DPP10: variants seen among roughly 807,000 people sequenced by gnomAD.
DPP10 encodes the protein dipeptidyl peptidase like 10, also known as inactive dipeptidyl peptidase 10.
In DPP10, 33 loss-of-function variants were observed where a neutral mutation model predicts 120.9. The ratio of observed to expected loss-of-function variants is 0.27; its 90% CI spans 0.21 to 0.37. The LOEUF is 0.37. Among genes scored for constraint, DPP10 ranks in the 10% least tolerant of loss-of-function variants. The pLI is 1.00. For missense variants in DPP10, 816 were observed against 942.8 expected (o/e 0.87, Z 1.76); for synonymous variants, 337 against 326.1 (o/e 1.03, Z -0.36).
At chr2:114,777,100 TAA>T (rs1263557220) in intron 1 of DPP10, among the ~76,000 whole-genome samples, 1 of 152,186 alleles carries the variant, frequency 6.6e-6, no homozygotes, top group East Asian at 1.9e-4. Context: ...TTACATATGT[TAA>T]GACTTTTATT....
chr2:114,893,339 G>A (rs759459951), intron 1 of DPP10, among the ~76,000 whole-genome samples: 32 of 152,216 alleles, frequency 2.1e-4, no homozygotes, highest in Non-Finnish European at 3.1e-4. Context: ...TACCAGAGAC[G>A]CAGATTAAAT....
intron 19 of DPP10, among the ~76,000 whole-genome samples, chr2:115,807,514 T>A (rs963223811): frequency 6.6e-6 from 1 of 152,204 alleles, no homozygotes; most frequent in Non-Finnish European, 1.5e-5. Flanking sequence ...ACTCTGTTTT[T>A]TCTTCATTAC....
intron 7 of DPP10, among the ~76,000 whole-genome samples, chr2:115,723,622 G>GTTTTTTTTTTTTTTTTTTTTTTT (rs11399436): frequency 7.0e-6 from 1 of 142,950 alleles, no homozygotes; most frequent in Non-Finnish European, 1.5e-5. Flanking sequence ...GTTGTTTTTT[G>GTTTTTTTTTTTTTTTTTTTTTTT]TTTTTTTTTT....
chr2:115,546,417 AG>A lies in DPP10; in HGVS notation c.441+20446del, dbSNP rs1257796611. 5.9e-4 allele frequency among the ~76,000 whole-genome samples: 90 copies of A among 152,312 alleles called. 2 individuals are homozygous for A. The East Asian group carries it at 0.016, about 27-fold the overall frequency. ...TCAATCTGGAGAAATCAAAACCTATAGCTAATCAATGGGTTCCTTTACAATG... is the reference window on the plus strand; with the variant it reads ...TCAATCTGGAGAAATCAAAACCTATACTAATCAATGGGTTCCTTTACAATG... On this transcript the variant is annotated intron_variant, in intron 5 of 25. Coordinates refer to ENST00000410059, the MANE Select transcript of DPP10 (RefSeq NM_020868.6).
At chr2:114,720,192 C>G (rs149600821) in intron 1 of DPP10, among the ~76,000 whole-genome samples, 1 of 152,218 alleles carries the variant, frequency 6.6e-6, no homozygotes, top group Admixed American at 6.5e-5. Context: ...AGAGAACTTG[C>G]GAAAATTCTG....
chr2:114,978,331 A>G (rs1267078737), intron 1 of DPP10, among the ~76,000 whole-genome samples: 5 of 152,326 alleles, frequency 3.3e-5, no homozygotes, highest in Admixed American at 2.0e-4. Context: ...AGTAGGTCTC[A>G]TTCAGTAGGT....
At chr2:115,503,883 C>T (rs527689317) in intron 4 of DPP10, among the ~76,000 whole-genome samples, 2 of 152,154 alleles carry the variant, frequency 1.3e-5, no homozygotes, top group East Asian at 3.9e-4. Context: ...CAGAAATGTG[C>T]ATCCTACACT....
chr2:115,397,457 A>C (rs967183752), intron 3 of DPP10, among the ~76,000 whole-genome samples: 4 of 152,200 alleles, frequency 2.6e-5, no homozygotes, highest in Admixed American at 6.6e-5. Flanking sequence ...TGCCATAGTC[A>C]TATTATTATA....
chr2:115,697,668 T>C (rs1331713641), intron 7 of DPP10, among the ~76,000 whole-genome samples: 1 of 151,764 alleles, frequency 6.6e-6, no homozygotes, highest in Non-Finnish European at 1.5e-5. Context: ...AGAGAGAAGA[T>C]AATTAAGAAA....
In DPP10 at chr2:115,835,133, CTA is replaced by C. The variant is rs1491427918; in HGVS notation, c.1951-1023_1951-1022del. 5.3e-4 allele frequency among the ~76,000 whole-genome samples: 78 copies of C among 148,118 alleles called. 1 individual carries two copies. Among genetic ancestry groups the C allele is most frequent in the African/African-American group, 1.4e-3 (58 of 40,230 alleles). On this transcript the variant is annotated intron_variant, in intron 21 of 25. Transcript: ENST00000410059. ...CCTGGACCACAGAGCAAGACTCTGT[CTA>C]AAAAAAAAAAAGCAAGAGAAAAACA...
In DPP10 at chr2:115,782,339, T is replaced by A. The variant is rs1482258360; in HGVS notation, c.1484-13T>A. ...TCTTTAAAAATATTTATACACATAT[T>A]TTTAAATTCCAGGTCCAAGGGTCCC... On this transcript the variant is annotated splice_polypyrimidine_tract_variant and intron_variant, in intron 16 of 25. Transcript: ENST00000410059. 22 of 1,607,406 alleles carry A rather than the reference T, an allele frequency of 1.4e-5. No individual in the cohort carries two copies. Among genetic ancestry groups the A allele is most frequent in the Non-Finnish European group, 1.8e-5 (21 of 1,174,606 alleles).
At chr2:115,583,689 T>C (rs2149137167) in intron 5 of DPP10, among the ~76,000 whole-genome samples, 1 of 152,278 alleles carries the variant, frequency 6.6e-6, no homozygotes, top group Middle Eastern at 3.4e-3. Context: ...GATCAAATAG[T>C]CACATGCCTG....
At chr2:115,519,781 C>G (rs1299097013) in intron 4 of DPP10, among the ~76,000 whole-genome samples, 1 of 152,064 alleles carries the variant, frequency 6.6e-6, no homozygotes, top group Admixed American at 6.6e-5. Context: ...TAATCTTTTT[C>G]CCTCTTCTCC....
chr2:115,243,290 C>A (rs2058373132), intron 1 of DPP10, among the ~76,000 whole-genome samples: 1 of 152,190 alleles, frequency 6.6e-6, no homozygotes, highest in South Asian at 2.1e-4. Context: ...TTTCGATGGG[C>A]CCATTAACCC....
chr2:115,704,988 GA>G (rs2092042782), intron 7 of DPP10, among the ~76,000 whole-genome samples: 1 of 151,562 alleles, frequency 6.6e-6, no homozygotes, highest in Non-Finnish European at 1.5e-5. Flanking sequence ...TTATATTGTT[GA>G]AAAATGTAAT....
intron 1 of DPP10, among the ~76,000 whole-genome samples, chr2:114,587,079 C>T (rs577530814): frequency 1.9e-3 from 294 of 152,008 alleles, no homozygotes; most frequent in Non-Finnish European, 3.6e-3. Flanking sequence ...GGGCAGATCA[C>T]GAGGTCAGGA....
intron 19 of DPP10, among the ~76,000 whole-genome samples, chr2:115,811,202 G>A (rs752699892): frequency 4.6e-5 from 7 of 152,080 alleles, no homozygotes; most frequent in Admixed American, 2.6e-4. Flanking sequence ...CCTATATTGT[G>A]CACCAAAGAA....
chr2:114,901,398 T>G lies in DPP10; in HGVS notation c.61-407841T>G, dbSNP rs181438207. ...TTTTTAATAGAGATGGGGTTTCACC[T>G]TGTTAGCCAGGATGGTCTCGATCTC... On this transcript the variant is annotated intron_variant, in intron 1 of 25. Coordinates refer to ENST00000410059, the MANE Select transcript of DPP10 (RefSeq NM_020868.6). 3.3e-3 allele frequency among the ~76,000 whole-genome samples: 503 copies of G among 152,138 alleles called. 1 individual carries two copies. The highest frequency in any genetic ancestry group is 5.6e-3 in the Non-Finnish European group (379 of 67,962).
In DPP10 at chr2:115,314,869, A is replaced by G. The variant is rs142825590; in HGVS notation, c.175+5516A>G. On this transcript the variant is annotated intron_variant, in intron 2 of 25. Coordinates refer to ENST00000410059, the MANE Select transcript of DPP10 (RefSeq NM_020868.6). Reference sequence around the variant, plus strand: ...CAGCCCTATTCAGAAAAATCAACAAAAGAAACCAAAAACTAGAAGACAGCA... The same window carrying G: ...CAGCCCTATTCAGAAAAATCAACAAGAGAAACCAAAAACTAGAAGACAGCA... 4.1e-3 allele frequency among the ~76,000 whole-genome samples: 623 copies of G among 152,290 alleles called. 6 individuals carry two copies. The highest frequency in any genetic ancestry group is 0.014 in the African/African-American group (598 of 41,570).
Sources: allele counts gnomAD v4.1 joint callset (sites outside exome capture counted in the v4.1 genomes callset), GRCh38; gene constraint gnomAD v4.1.1; transcripts MANE v1.5; gene names NCBI Gene and HGNC (gene_info 2026-07-23, HGNC 2026-07-21).